TIMP3: variants seen among roughly 807,000 people sequenced by gnomAD.
The protein encoded by TIMP3 is TIMP metallopeptidase inhibitor 3.
A neutral mutation model predicts 30.0 loss-of-function variants in TIMP3; 11 were observed. That is an observed-to-expected ratio of 0.37 (90% CI 0.23 to 0.61). The LOEUF (loss-of-function observed/expected upper bound fraction) is 0.61, where lower values mean the gene tolerates loss of function less well. Ranked by LOEUF, TIMP3 falls within the 20% of genes least tolerant of loss-of-function variation. TIMP3 has a pLI of 0.70. For synonymous variants in TIMP3, 112 were observed against 111.3 expected, an observed-to-expected ratio of 1.01 and a Z score of -0.04; for missense variants, 181 against 276.8, an observed-to-expected ratio of 0.65 and a Z score of 2.45.
chr22:32,814,883 T>C (rs542082818), intron 1 of TIMP3, among the ~76,000 whole-genome samples: 134 of 152,310 alleles, frequency 8.8e-4, no homozygotes, highest in African/African-American at 3.1e-3. Flanking sequence ...CCCATAGTCA[T>C]GTTTAAAAAA....
At chr22:32,834,948 TC>T (rs987503023) in intron 1 of TIMP3, among the ~76,000 whole-genome samples, 4 of 152,230 alleles carry the variant, frequency 2.6e-5, no homozygotes, top group Non-Finnish European at 5.9e-5. Flanking sequence ...ACTAGTGGCC[TC>T]CCCTTCTCTT....
In TIMP3 at chr22:32,801,943, C is replaced by T; in HGVS notation, c.-59C>T. On this transcript the variant is annotated 5_prime_UTR_variant, in exon 1 of 5. Transcript: ENST00000266085. The surrounding 1 kb of genome is among the most constrained non-coding windows in gnomAD (Gnocchi z 4.7). ...CGGGCTGCAGCAGCCCCGCCGGCGG[C>T]GCGCACGGCAACTTTGGAGAGGCGA... 6.5e-7 allele frequency: 1 copy of T among 1,534,770 alleles called. No homozygotes were observed.
intron 2 of TIMP3, among the ~76,000 whole-genome samples, chr22:32,852,548 C>T (rs2048250542): frequency 6.6e-6 from 1 of 152,120 alleles, no homozygotes; most frequent in South Asian, 2.1e-4. Context: ...CCTAGAGAGT[C>T]AGAAGGGGTG....
intron 1 of TIMP3, among the ~76,000 whole-genome samples, chr22:32,806,503 C>T (rs1183439967): frequency 6.6e-6 from 1 of 152,170 alleles, no homozygotes; most frequent in African/African-American, 2.4e-5. Flanking sequence ...TAGTCTACTC[C>T]TGGGTGGCCT....
At chr22:32,829,233 C>A (rs767591427) in intron 1 of TIMP3, among the ~76,000 whole-genome samples, 1 of 152,328 alleles carries the variant, frequency 6.6e-6, no homozygotes, top group East Asian at 1.9e-4. Context: ...ATTACTGATA[C>A]CCTCTTTGAT....
rs57139579 is a variant in TIMP3 at position 32,836,287 on chromosome 22, G to T, written c.122-13165G>T. 9.4e-3 allele frequency among the ~76,000 whole-genome samples: 1,437 copies of T among 152,302 alleles called. 22 individuals carry two copies. The highest frequency in any genetic ancestry group is 0.033 in the African/African-American group (1,383 of 41,554). On this transcript the variant is annotated intron_variant, in intron 1 of 4. Transcript: ENST00000266085. Reference sequence around the variant, plus strand: ...AGTAAGTGCTCAGTGAATATTTACTGAATGAATAAGAGGTTTAGGCACCAT... The same window carrying T: ...AGTAAGTGCTCAGTGAATATTTACTTAATGAATAAGAGGTTTAGGCACCAT...
At chr22:32,811,257 A>G (rs1258938392) in intron 1 of TIMP3, among the ~76,000 whole-genome samples, 1 of 152,152 alleles carries the variant, frequency 6.6e-6, no homozygotes, top group Admixed American at 6.5e-5. Flanking sequence ...GGAGCCAAAG[A>G]CTCAGGTGGA....
rs1332495860 is a variant in TIMP3, at chr22:32,812,718, C to T, written c.121+10596C>T. 2.0e-5 allele frequency among the ~76,000 whole-genome samples: 3 copies of T among 152,204 alleles called. No homozygotes were observed. The East Asian group carries it at 5.8e-4, about 29-fold the overall frequency. ...CATGGAAGTCTGGCTCAGATGAACA[C>T]ATGTGTGATCTGATGGAACCTTTGT... On this transcript the variant is annotated intron_variant, in intron 1 of 4. Coordinates refer to ENST00000266085, the MANE Select transcript of TIMP3 (RefSeq NM_000362.5).
intron 1 of TIMP3, among the ~76,000 whole-genome samples, chr22:32,812,629 TCA>T (rs2046945616): frequency 6.6e-6 from 1 of 152,220 alleles, no homozygotes. Flanking sequence ...GAGCAGTGCC[TCA>T]CTCTGGAAAA....
chr22:32,859,118 A>G, intron 4 of TIMP3, 62 bp from the exon 5 acceptor site: 1 of 1,575,358 alleles, frequency 6.3e-7, no homozygotes, highest in Non-Finnish European at 8.7e-7. Flanking sequence ...CAGGCTCGGT[A>G]GCCTCAGGCC....
intron 2 of TIMP3, among the ~76,000 whole-genome samples, chr22:32,852,099 G>A (rs1601541594): frequency 6.6e-6 from 1 of 152,194 alleles, no homozygotes; most frequent in East Asian, 1.9e-4. Context: ...TCTTTGCATA[G>A]ATCAGTACTT....
At chr22:32,806,649 A>G (rs1267477045) in intron 1 of TIMP3, among the ~76,000 whole-genome samples, 1 of 152,166 alleles carries the variant, frequency 6.6e-6, no homozygotes, top group Non-Finnish European at 1.5e-5. Context: ...TTATTTATAC[A>G]AGGGGAATAA....
In TIMP3 at chr22:32,825,704, T is replaced by A. The variant is rs985185097; in HGVS notation, c.121+23582T>A. ...AAAAAAAAAAAAAAAAAAAGATGTG[T>A]GTATGTGTGTATGCTTATATATATA... On this transcript the variant is annotated intron_variant, in intron 1 of 4. Coordinates refer to ENST00000266085, the MANE Select transcript of TIMP3 (RefSeq NM_000362.5). Among the ~76,000 whole-genome samples, 16 of 142,882 alleles carry A rather than the reference T, an allele frequency of 1.1e-4. 1 individual carries two copies. The South Asian group carries it at 3.4e-3, about 31-fold the overall frequency. 93.7% of individuals were successfully genotyped at this position (142,882 alleles called of 152,430 possible). A position where few individuals can be genotyped will look rare whatever the true frequency, so the allele number is the denominator to read the frequency against.
chr22:32,847,771 T>G (rs2048109938), intron 1 of TIMP3, among the ~76,000 whole-genome samples: 1 of 152,234 alleles, frequency 6.6e-6, no homozygotes, highest in African/African-American at 2.4e-5. Flanking sequence ...CTTTTTGGGC[T>G]AAGTGCAACT....
intron 1 of TIMP3, among the ~76,000 whole-genome samples, chr22:32,830,971 A>C (rs2047557198): frequency 6.6e-6 from 1 of 152,148 alleles, no homozygotes; most frequent in Non-Finnish European, 1.5e-5. Flanking sequence ...TTCCCCAACC[A>C]GGGGCACAGG....
At chr22:32,817,888 G>A (rs920814408) in intron 1 of TIMP3, among the ~76,000 whole-genome samples, 1 of 152,164 alleles carries the variant, frequency 6.6e-6, no homozygotes, top group African/African-American at 2.4e-5. Flanking sequence ...TCCCCTGGTC[G>A]TCTGGGCCAG....
At chr22:32,807,394 A>AATATATATTATATATAAT (rs2046788839) in intron 1 of TIMP3, among the ~76,000 whole-genome samples, 1 of 100,620 alleles carries the variant, frequency 9.9e-6, no homozygotes, top group African/African-American at 3.9e-5. Flanking sequence ...TATTATATAT[A>AATATATATTATATATAAT]ATATATATAT....
intron 1 of TIMP3, among the ~76,000 whole-genome samples, chr22:32,819,026 G>A (rs2047164104): frequency 1.3e-5 from 2 of 152,228 alleles, no homozygotes; most frequent in Admixed American, 6.5e-5. Flanking sequence ...TGGCCTCTGC[G>A]CTTAAGTATA....
chr22:32,821,941 A>T (rs1013259483), intron 1 of TIMP3, among the ~76,000 whole-genome samples: 32 of 152,136 alleles, frequency 2.1e-4, no homozygotes, highest in African/African-American at 7.7e-4. Context: ...GGATCACCTG[A>T]GGTCGGGAGT....
Sources: gnomAD v4.1 joint callset for allele counts (sites outside exome capture counted in the v4.1 genomes callset) on GRCh38, gnomAD v4.1.1 for gene constraint, Gnocchi (gnomAD v3.1) non-coding constraint, MANE v1.5 for transcripts, NCBI Gene and HGNC (gene_info 2026-07-23, HGNC 2026-07-21) for gene names.